SPAG9: variants seen among roughly 807,000 people sequenced by gnomAD.
The protein encoded by SPAG9 is sperm associated antigen 9.
A neutral mutation model predicts 166.5 loss-of-function variants in SPAG9; 35 were observed. That is an observed-to-expected ratio of 0.21 (90% CI 0.16 to 0.28). The LOEUF (loss-of-function observed/expected upper bound fraction) is 0.28. Among genes scored for constraint, SPAG9 ranks in the 10% least tolerant of loss-of-function variants. The pLI is 1.00. For synonymous variants in SPAG9, 534 were observed against 565.5 expected (o/e 0.94, Z 0.79); for missense variants, 1,235 against 1,603.3 (o/e 0.77, Z 3.92).
chr17:50,974,017 T>C (rs1974030969), intron 28 of SPAG9, among the ~76,000 whole-genome samples: 1 of 152,176 alleles, frequency 6.6e-6, no homozygotes, highest in Admixed American at 6.5e-5. Context: ...ACACAGTTAG[T>C]TGGTGGGGGA....
chr17:50,974,813 G>A lies in SPAG9; in HGVS notation c.3658C>T (p.His1220Tyr), dbSNP rs1974100964. 1 of 1,605,638 alleles carries A rather than the reference G, an allele frequency of 6.2e-7. No individual in the cohort carries two copies. Among genetic ancestry groups the A allele is most frequent in the Non-Finnish European group, 8.5e-7 (1 of 1,178,256 alleles). Residue 1220 changes from histidine to tyrosine, a missense_variant, in exon 28 of 30, where the codon CAT becomes TAT. His to Tyr is a moderately conservative substitution (Grantham distance 83, BLOSUM62 2). This residue lies in a region of SPAG9 where 243 missense variants were observed against 358.6 expected (regional missense o/e 0.68). Coordinates refer to ENST00000262013, the MANE Select transcript of SPAG9 (RefSeq NM_001130528.3). ...AATTTCACAGCATCCCGGTGCCCAT[G>A]GAAGCAAAGCTGTGCATGTGCCATT... ...CSMAHAQLCFHGHRDAVKFFV... is the reference protein window; with the variant it reads ...CSMAHAQLCFYGHRDAVKFFV...
chr17:51,031,506 G>C (rs1380855480), intron 6 of SPAG9, 175 bp downstream of exon 6: 1 of 582,646 alleles, frequency 1.7e-6, no homozygotes, highest in Non-Finnish European at 3.1e-6. Context: ...ACAGATTGCA[G>C]TAAAGCCCTG....
chr17:51,053,855 GTATA>G (rs1161592026), intron 3 of SPAG9, among the ~76,000 whole-genome samples: 438 of 37,680 alleles, frequency 0.012, 6 homozygotes, highest in Middle Eastern at 0.031. Flanking sequence ...AAAAAAAAAA[GTATA>G]TATATATATA....
intron 19 of SPAG9, among the ~76,000 whole-genome samples, chr17:50,991,279 A>G (rs1247922759): frequency 6.6e-6 from 1 of 152,160 alleles, no homozygotes; most frequent in Non-Finnish European, 1.5e-5. Context: ...CAGCCAAAAA[A>G]AAATTCTTTT....
chr17:50,987,172 T>A lies in SPAG9; in HGVS notation c.2879A>T (p.Glu960Val). The A allele has an allele frequency of 6.2e-7, 1 of 1,613,648 alleles. No homozygotes were observed. The highest frequency in any genetic ancestry group is 8.5e-7 in the Non-Finnish European group (1 of 1,179,778). The change falls in exon 22 of 30, where the codon GAA (glutamate) becomes GTA (valine). Residue 960 changes from glutamate to valine, a missense_variant. Around this residue, in one of 6 missense-constraint regions of SPAG9, gnomAD observed 493 missense variants for 559.4 expected, o/e 0.88. Coordinates refer to ENST00000262013, the MANE Select transcript of SPAG9 (RefSeq NM_001130528.3). Reference sequence around the variant, plus strand: ...AAGACTACTCATTTTCTGGGCTTCTTCTCTCACCAAGTCTTGTTCATTTGG... The same window carrying A: ...AAGACTACTCATTTTCTGGGCTTCTACTCTCACCAAGTCTTGTTCATTTGG... ...VLPNEQDLVR[E>V]EAQKMSSLLP...
chr17:51,041,505 A>G lies in SPAG9; in HGVS notation c.737T>C (p.Leu246Pro), dbSNP rs1013371947. The G allele has an allele frequency of 6.2e-7, 1 of 1,612,978 alleles. No individual in the cohort carries two copies. Among genetic ancestry groups the G allele is most frequent in the African/African-American group, 1.3e-5 (1 of 74,876 alleles). The change falls in exon 5 of 30, where the codon CTG becomes CCG. Residue 246 changes from leucine (L) to proline (P), a missense_variant. Physicochemically the swap from Leu to Pro is moderately conservative, Grantham distance 98. Coordinates refer to ENST00000262013, the MANE Select transcript of SPAG9 (RefSeq NM_001130528.3). ...ELSQPRSHTSLKVSNSPEPQK... is the reference protein window; with the variant it reads ...ELSQPRSHTSPKVSNSPEPQK... Reference sequence around the variant, plus strand: ...TTTCAGCAGCATAAAGCTTACCTTCAGGCTGGTATGAGAACGTGGTTGACT... The same window carrying G: ...TTTCAGCAGCATAAAGCTTACCTTCGGGCTGGTATGAGAACGTGGTTGACT...
chr17:50,982,683 A>G lies in SPAG9; in HGVS notation c.3089-11T>C, dbSNP rs1322994049. Reference sequence around the variant, plus strand: ...AATCCCACTGCCCATCTTTAAAAAAAATAAAAGGTTATAGTAAATACATAC... The same window carrying G: ...AATCCCACTGCCCATCTTTAAAAAAGATAAAAGGTTATAGTAAATACATAC... On this transcript the variant is annotated splice_polypyrimidine_tract_variant and intron_variant, in intron 24 of 29. Coordinates refer to ENST00000262013, the MANE Select transcript of SPAG9 (RefSeq NM_001130528.3). 1 of 1,598,404 alleles carries G rather than the reference A, an allele frequency of 6.3e-7. No homozygotes were observed. Among genetic ancestry groups the G allele is most frequent in the Non-Finnish European group, 8.5e-7 (1 of 1,175,648 alleles).
In SPAG9 at chr17:50,962,294, T is replaced by C. The variant is rs1044399375; in HGVS notation, c.*3978A>G. The C allele has an allele frequency of 4.6e-5, 7 of 152,192 alleles. No individual in the cohort carries two copies. The highest frequency in any genetic ancestry group is 1.9e-4 in the East Asian group (1 of 5,200). 9.4% of individuals were successfully genotyped at this position (152,192 alleles called of 1,614,324 possible). A position where few individuals can be genotyped will look rare whatever the true frequency, so the allele number is the denominator to read the frequency against. ...CATTGCTAAATGAGCTCTTTGCTCA[T>C]AGAAATGAAGCTCAGCCTCTAAGAG... On this transcript the variant is annotated 3_prime_UTR_variant, in exon 30 of 30. Coordinates refer to ENST00000262013, the MANE Select transcript of SPAG9 (RefSeq NM_001130528.3).
At chr17:51,055,487 A>C (rs947501744) in intron 3 of SPAG9, among the ~76,000 whole-genome samples, 1 of 152,224 alleles carries the variant, frequency 6.6e-6, no homozygotes, top group African/African-American at 2.4e-5. Context: ...CATGATTTTA[A>C]ATTGTTTTAT....
chr17:51,092,148 C>T (rs2048483739), intron 1 of SPAG9, among the ~76,000 whole-genome samples: 1 of 151,974 alleles, frequency 6.6e-6, no homozygotes, highest in African/African-American at 2.4e-5. Flanking sequence ...AAGTGTCCAT[C>T]AAGATATTAT....
intron 2 of SPAG9, among the ~76,000 whole-genome samples, chr17:51,068,400 A>G (rs1278273283): frequency 6.6e-6 from 1 of 152,222 alleles, no homozygotes; most frequent in Non-Finnish European, 1.5e-5. Flanking sequence ...CAATGATCAT[A>G]TTCTCAAAAC....
In SPAG9 at chr17:50,963,602, A is replaced by G. The variant is rs1196433663; in HGVS notation, c.*2670T>C. The G allele has an allele frequency of 2.0e-5, 3 of 152,204 alleles. No individual in the cohort carries two copies. The highest frequency in any genetic ancestry group is 4.4e-5 in the Non-Finnish European group (3 of 68,034). The allele number at this position is 152,204 out of a possible 1,614,324, so 9.4% of individuals were successfully genotyped here. On this transcript the variant is annotated 3_prime_UTR_variant, in exon 30 of 30. Coordinates refer to ENST00000262013, the MANE Select transcript of SPAG9 (RefSeq NM_001130528.3). ...AAAGCCAGTAAGTTCAAAAAAAGCA[A>G]TTACAACCATTTGACATGTTTGTAT...
intron 1 of SPAG9, among the ~76,000 whole-genome samples, chr17:51,109,873 C>T (rs1049196629): frequency 1.3e-5 from 2 of 151,860 alleles, no homozygotes; most frequent in East Asian, 1.9e-4. Flanking sequence ...CACCACACCA[C>T]GCTAATTTTT....
chr17:51,036,857 G>A (rs1052753562), intron 5 of SPAG9, among the ~76,000 whole-genome samples: 1 of 152,128 alleles, frequency 6.6e-6, no homozygotes. Context: ...AAATTGTGCA[G>A]AAAGGAAAGA....
intron 1 of SPAG9, among the ~76,000 whole-genome samples, chr17:51,106,286 G>C (rs934236795): frequency 6.6e-6 from 1 of 152,010 alleles, no homozygotes; most frequent in Non-Finnish European, 1.5e-5. Context: ...CTGGGTGACA[G>C]AGCAAGACCG....
rs141770749 is a variant in SPAG9, at chr17:50,966,122, C to T, written c.*150G>A. 6.2e-5 allele frequency: 40 copies of T among 649,190 alleles called. No individual in the cohort carries two copies. The highest frequency in any genetic ancestry group is 5.0e-4 in the African/African-American group (28 of 55,600). 40.2% of individuals were successfully genotyped at this position (649,190 alleles called of 1,614,324 possible). ...GTTCCTCTGTATTGTTATGGTAGAA[C>T]GGATTTTGTAATATAAAGTTAACAG... is the stretch of plus-strand genomic sequence containing the variant. On this transcript the variant is annotated 3_prime_UTR_variant, in exon 30 of 30. Transcript: ENST00000262013.
At chr17:51,007,110 GGTGTGT>G (rs3075108) in intron 10 of SPAG9, among the ~76,000 whole-genome samples, 153 bp downstream of exon 10, 10 of 145,980 alleles carry the variant, frequency 6.9e-5, no homozygotes, top group African/African-American at 1.2e-4. Flanking sequence ...CCAACATTAG[GGTGTGT>G]GTGTGTGTGT....
At position 50,985,698 on chromosome 17, in the gene SPAG9, A is replaced by C; in HGVS notation, c.3020T>G (p.Val1007Gly). Reference sequence around the variant, plus strand: ...GAAGAATTTCCAAAATAAAACTTACACAATACTGAGAATCGAATCTTTAAG... The same window carrying C: ...GAAGAATTTCCAAAATAAAACTTACCCAATACTGAGAATCGAATCTTTAAG... ...IKLKDSILSI[V>G]HVKGIVLVAL... The change falls in exon 23 of 30, where the codon GTA becomes GGA. Residue 1007 changes from valine (V) to glycine (G), a missense_variant and splice_region_variant. Physicochemically the swap from Val to Gly is moderately radical, Grantham distance 109. Coordinates refer to ENST00000262013, the MANE Select transcript of SPAG9 (RefSeq NM_001130528.3). 2 of 1,571,206 alleles carry C rather than the reference A, an allele frequency of 1.3e-6. No homozygotes were observed. Among genetic ancestry groups the C allele is most frequent in the East Asian group, 4.5e-5 (2 of 44,576 alleles).
At chr17:51,113,321 C>T (rs1389773046) in intron 1 of SPAG9, among the ~76,000 whole-genome samples, 1 of 146,208 alleles carries the variant, frequency 6.8e-6, no homozygotes, top group Non-Finnish European at 1.5e-5. Flanking sequence ...CCATTGCGCT[C>T]CAGCCTGGGC....
Sources: allele counts gnomAD v4.1 joint callset (sites outside exome capture counted in the v4.1 genomes callset), GRCh38; gene constraint gnomAD v4.1.1; regional missense constraint gnomAD v4.1.1; transcripts MANE v1.5; gene names NCBI Gene and HGNC (gene_info 2026-07-23, HGNC 2026-07-21).